ZFAND3: variants seen among roughly 807,000 people sequenced by gnomAD.
The protein encoded by ZFAND3 is AN1-type zinc finger protein 3.
A neutral mutation model predicts 29.6 loss-of-function variants in ZFAND3; 10 were observed. That is an observed-to-expected ratio of 0.34 (90% confidence interval 0.21 to 0.57). The LOEUF (loss-of-function observed/expected upper bound fraction) is 0.57, where lower values mean the gene tolerates loss of function less well. Among genes scored for constraint, ZFAND3 ranks in the 20% least tolerant of loss-of-function variants. The probability of loss-of-function intolerance (pLI) is 0.86; values close to 1 mark genes in which losing one functional copy is unlikely to be tolerated. For missense variants in ZFAND3, 230 were observed against 304.5 expected (o/e 0.76, Z 1.82); for synonymous variants, 128 against 112.6 (o/e 1.14, Z -0.87).
chr6:38,122,181 A>G (rs1765548145), intron 5 of ZFAND3, among the ~76,000 whole-genome samples: 1 of 152,166 alleles, frequency 6.6e-6, no homozygotes, highest in Non-Finnish European at 1.5e-5. Flanking sequence ...AGAGCCTCCC[A>G]TGGATACCAA....
intron 1 of ZFAND3, among the ~76,000 whole-genome samples, chr6:37,909,267 T>A (rs1351068914): frequency 2.1e-5 from 3 of 143,322 alleles, no homozygotes; most frequent in Non-Finnish European, 4.5e-5. Context: ...AGATTTTTTT[T>A]CTTTTTTTCT....
chr6:37,930,643 G>T (rs1460684542), intron 2 of ZFAND3, among the ~76,000 whole-genome samples: 1 of 152,124 alleles, frequency 6.6e-6, no homozygotes, highest in Non-Finnish European at 1.5e-5. Context: ...GGCTTGACAT[G>T]TGCCAAGGTC....
intron 4 of ZFAND3, among the ~76,000 whole-genome samples, chr6:38,098,943 C>T (rs972700568): frequency 3.9e-5 from 6 of 152,016 alleles, no homozygotes; most frequent in African/African-American, 1.4e-4. Flanking sequence ...TGGGGTTGCT[C>T]AGGCTAGTTC....
At chr6:37,883,569 G>A (rs796945522) in intron 1 of ZFAND3, among the ~76,000 whole-genome samples, 3 of 138,026 alleles carry the variant, frequency 2.2e-5, no homozygotes, top group African/African-American at 9.3e-5. Flanking sequence ...TTGAGACGGA[G>A]TCTCGCTCTG....
intron 1 of ZFAND3, among the ~76,000 whole-genome samples, chr6:37,875,930 C>T (rs1055776673): frequency 2.0e-5 from 3 of 151,992 alleles, no homozygotes; most frequent in African/African-American, 7.3e-5. Context: ...CTTGGCCTCC[C>T]AAAGTGTGGA....
In ZFAND3 at chr6:37,988,808, T is replaced by C. The variant is rs976721221; in HGVS notation, c.112+58809T>C. Among the ~76,000 whole-genome samples, 69 of 152,318 alleles carry C rather than the reference T, an allele frequency of 4.5e-4. 3 individuals carry two copies. The highest frequency in any genetic ancestry group is 2.2e-4 in the Non-Finnish European group (15 of 68,016). On this transcript the variant is annotated intron_variant, in intron 2 of 5. Transcript: ENST00000287218. ...ATTTGCTCTATGTTAGGGACTCTTTTGGTCTCCAGAAATAGAGCAGAGAGC... is the reference window on the plus strand; with the variant it reads ...ATTTGCTCTATGTTAGGGACTCTTTCGGTCTCCAGAAATAGAGCAGAGAGC...
intron 1 of ZFAND3, among the ~76,000 whole-genome samples, chr6:37,897,121 A>G (rs1473346718): frequency 6.6e-6 from 1 of 152,176 alleles, no homozygotes; most frequent in Non-Finnish European, 1.5e-5. Context: ...ATATATGTCT[A>G]TATTTGTGTA....
intron 2 of ZFAND3, among the ~76,000 whole-genome samples, chr6:38,042,139 A>G (rs1763801780): frequency 6.6e-6 from 1 of 150,900 alleles, no homozygotes. Context: ...GGCCTAATAT[A>G]TATCTTTTGT....
chr6:38,039,647 T>TA (rs1763723264), intron 2 of ZFAND3, among the ~76,000 whole-genome samples: 1 of 152,168 alleles, frequency 6.6e-6, no homozygotes, highest in Non-Finnish European at 1.5e-5. Context: ...ATGTAAATTT[T>TA]AAAAATCAGT....
At chr6:37,922,921 T>A (rs1357090427) in intron 1 of ZFAND3, among the ~76,000 whole-genome samples, 4 of 152,232 alleles carry the variant, frequency 2.6e-5, no homozygotes, top group African/African-American at 9.7e-5. Flanking sequence ...ATAAGCACTG[T>A]ACACTTAGGC....
intron 4 of ZFAND3, among the ~76,000 whole-genome samples, chr6:38,097,269 T>A (rs867861183): frequency 7.6e-4 from 114 of 149,808 alleles, no homozygotes; most frequent in African/African-American, 2.5e-3. Flanking sequence ...TTTTTTTTTT[T>A]AAGAGACGGA....
chr6:38,114,264 A>G (rs1765374381), intron 4 of ZFAND3, among the ~76,000 whole-genome samples: 1 of 152,250 alleles, frequency 6.6e-6, no homozygotes, highest in African/African-American at 2.4e-5. Context: ...TGGTTTGTGT[A>G]AAAGGACCCC....
chr6:38,144,231 A>ATTTTTTTT (rs67159019), intron 5 of ZFAND3, among the ~76,000 whole-genome samples: 1 of 75,278 alleles, frequency 1.3e-5, no homozygotes, highest in South Asian at 4.2e-4. Context: ...ATATATATAT[A>ATTTTTTTT]TTTTTTTTTT....
intron 1 of ZFAND3, among the ~76,000 whole-genome samples, chr6:37,897,669 T>C (rs1308194372): frequency 6.6e-6 from 1 of 152,232 alleles, no homozygotes; most frequent in East Asian, 1.9e-4. Flanking sequence ...TTCAGTCTTC[T>C]AGCCTCTGGT....
At chr6:37,837,749 G>C (rs1362381803) in intron 1 of ZFAND3, among the ~76,000 whole-genome samples, 9 of 151,782 alleles carry the variant, frequency 5.9e-5, no homozygotes, top group Admixed American at 2.6e-4. Context: ...CAGTTGATCC[G>C]CCCACCTCAG....
intron 1 of ZFAND3, among the ~76,000 whole-genome samples, chr6:37,836,765 A>G (rs969841317): frequency 6.6e-6 from 1 of 152,168 alleles, no homozygotes; most frequent in African/African-American, 2.4e-5. Flanking sequence ...AACACTTCCA[A>G]TAATATATAT....
In ZFAND3 at chr6:37,819,910, C is replaced by CGCT; in HGVS notation, c.-33_-31dup. ...GGGGCCCGGGCCCAGCCGCCGCCACCGCTGCCGCCGCCGAGCTCCGCCGCC... is the reference window on the plus strand; with the variant it reads ...GGGGCCCGGGCCCAGCCGCCGCCACCGCTGCTGCCGCCGCCGAGCTCCGCCGCC... On this transcript the variant is annotated 5_prime_UTR_variant, in exon 1 of 6. Transcript: ENST00000287218. 7 of 1,196,694 alleles carry CGCT rather than the reference C, an allele frequency of 5.8e-6. No individual in the cohort carries two copies. Among genetic ancestry groups the CGCT allele is most frequent in the Non-Finnish European group, 7.2e-6 (7 of 966,818 alleles). The allele number at this position is 1,196,694 out of a possible 1,614,324, so 74.1% of individuals were successfully genotyped here.
At chr6:37,954,064 A>G (rs1345897646) in intron 2 of ZFAND3, among the ~76,000 whole-genome samples, 2 of 151,932 alleles carry the variant, frequency 1.3e-5, no homozygotes, top group East Asian at 3.8e-4. Context: ...TGTCACTTGA[A>G]TTGTTTGTGA....
intron 4 of ZFAND3, 52 bp downstream of exon 4, chr6:38,082,509 A>C: frequency 6.4e-7 from 1 of 1,557,736 alleles, no homozygotes; most frequent in Non-Finnish European, 8.8e-7. Flanking sequence ...TCTTCACAGA[A>C]GTTAGCAACT....
Sources: gnomAD v4.1 joint callset for allele counts (sites outside exome capture counted in the v4.1 genomes callset) on GRCh38, gnomAD v4.1.1 for gene constraint, MANE v1.5 for transcripts, NCBI Gene and HGNC (gene_info 2026-07-23, HGNC 2026-07-21) for gene names.